RPS6KA5: variants seen among roughly 807,000 people sequenced by gnomAD.
The protein encoded by RPS6KA5 is ribosomal protein S6 kinase A5.
RPS6KA5 carries 27 observed loss-of-function variants against 85.5 expected under a neutral mutation model. The observed-to-expected ratio is 0.32, with a 90% CI of 0.23 to 0.44. RPS6KA5 has a LOEUF of 0.44. Among genes scored for constraint, RPS6KA5 ranks in the 20% least tolerant of loss-of-function variants. The pLI, the probability that RPS6KA5 is intolerant of heterozygous loss-of-function variation, is 1.00. For missense variants in RPS6KA5, 811 were observed against 980.9 expected, an observed-to-expected ratio of 0.83 and a Z score of 2.31; for synonymous variants, 334 against 348.2, an observed-to-expected ratio of 0.96 and a Z score of 0.46.
intron 1 of RPS6KA5, among the ~76,000 whole-genome samples, chr14:91,007,943 C>G (rs2041097155): frequency 6.6e-6 from 1 of 152,032 alleles, no homozygotes; most frequent in Admixed American, 6.5e-5. Flanking sequence ...TATTGTTAAC[C>G]CTTGGCATGG....
intron 1 of RPS6KA5, among the ~76,000 whole-genome samples, chr14:91,008,798 G>A (rs1302406897): frequency 6.6e-6 from 1 of 152,122 alleles, no homozygotes; most frequent in Non-Finnish European, 1.5e-5. Context: ...AGTAATAATG[G>A]CTCTTCACTA....
intron 12 of RPS6KA5, among the ~76,000 whole-genome samples, chr14:90,898,076 C>T (rs1271124824): frequency 6.6e-6 from 1 of 152,136 alleles, no homozygotes; most frequent in Non-Finnish European, 1.5e-5. Context: ...TTTTGGGATG[C>T]TTACTGCCAG....
At chr14:90,901,371 C>T (rs1050919978) in intron 9 of RPS6KA5, among the ~76,000 whole-genome samples, 2 of 152,270 alleles carry the variant, frequency 1.3e-5, no homozygotes, top group Middle Eastern at 3.4e-3. Context: ...AGCCACCAGA[C>T]CCAGCCACAA....
intron 5 of RPS6KA5, among the ~76,000 whole-genome samples, chr14:90,939,620 CAAAG>C (rs984120547): frequency 1.3e-5 from 2 of 152,110 alleles, no homozygotes; most frequent in Admixed American, 1.3e-4. Flanking sequence ...TAGCAGGAGA[CAAAG>C]AGAGAGAGAA....
intron 1 of RPS6KA5, among the ~76,000 whole-genome samples, chr14:91,049,572 G>A (rs28375009): frequency 0.045 from 6,816 of 152,030 alleles, 427 homozygotes; most frequent in African/African-American, 0.15. Context: ...CTGAGAGCTC[G>A]CCACTGTATT....
chr14:90,992,483 A>G (rs1357342015), intron 2 of RPS6KA5, among the ~76,000 whole-genome samples: 4 of 152,260 alleles, frequency 2.6e-5, no homozygotes, highest in African/African-American at 9.6e-5. Context: ...GAGTCAAAGT[A>G]TTCAATGTGT....
rs528090273 is a variant in RPS6KA5, at chr14:91,030,077, A to T, written c.104-28918T>A. On this transcript the variant is annotated intron_variant, in intron 1 of 16. Coordinates refer to ENST00000614987, the MANE Select transcript of RPS6KA5 (RefSeq NM_004755.4). ...GGAAACTGTTCATGTGAGCAAGCTA[A>T]ATCACCCCCAGAGAACCCCAAAAGG... Among the ~76,000 whole-genome samples, 4 of 152,296 alleles carry T rather than the reference A, an allele frequency of 2.6e-5. No individual in the cohort carries two copies. The South Asian group carries it at 8.3e-4, about 32-fold the overall frequency.
Position 90,920,265 on chromosome 14 carries a change from T to C in RPS6KA5, c.747A>G (p.Leu249=), listed in dbSNP as rs1395439884. 1.9e-6 allele frequency: 3 copies of C among 1,612,722 alleles called. No individual in the cohort carries two copies. In the East Asian group the frequency reaches 6.7e-5, roughly 36 times the overall value. The change falls in exon 7 of 17, where the codon CTA becomes CTG. Residue 249 remains leucine (L), a synonymous_variant. Transcript: ENST00000614987. ...WSLGVLMYEL[L]TGASPFTVDG... ...CAACAGTGAAAGGAGATGCTCCAGTTAGTAATTCATACATTAGAACACCCA... is the reference window on the plus strand; with the variant it reads ...CAACAGTGAAAGGAGATGCTCCAGTCAGTAATTCATACATTAGAACACCCA...
At chr14:90,923,086 T>G (rs1035426382) in intron 6 of RPS6KA5, 27 bp downstream of exon 6, 12 of 1,501,458 alleles carry the variant, frequency 8.0e-6, no homozygotes, top group Non-Finnish European at 1.1e-5. Flanking sequence ...TAGAAATACA[T>G]AAAGAAGCAT....
rs185568553 is a variant in RPS6KA5, at chr14:90,922,378, T to C, written c.702+735A>G. On this transcript the variant is annotated intron_variant, in intron 6 of 16. Transcript: ENST00000614987. ...GACAGGAACAATGTGCAGTTTTACA[T>C]GCCGTGACCCTTCTGTATTGCATTG... Among the ~76,000 whole-genome samples, 48 of 152,352 alleles carry C rather than the reference T, an allele frequency of 3.2e-4. 1 individual carries two copies. The East Asian group carries it at 3.7e-3, about 12-fold the overall frequency.
At chr14:90,884,232 G>A (rs1440255514) in intron 14 of RPS6KA5, among the ~76,000 whole-genome samples, 23 of 152,280 alleles carry the variant, frequency 1.5e-4, no homozygotes, top group African/African-American at 1.4e-4. Context: ...TTAGGAATAC[G>A]TGCATGGCTG....
intron 1 of RPS6KA5, among the ~76,000 whole-genome samples, chr14:91,024,958 T>C (rs191240476): frequency 1.3e-5 from 2 of 152,106 alleles, no homozygotes; most frequent in Admixed American, 1.3e-4. Context: ...CTCAGCTCAC[T>C]GCAACCTCTG....
chr14:90,994,303 G>C (rs2040423360), intron 2 of RPS6KA5, among the ~76,000 whole-genome samples: 1 of 151,578 alleles, frequency 6.6e-6, no homozygotes, highest in Non-Finnish European at 1.5e-5. Context: ...TCATCTACCA[G>C]TAAAGCATCC....
chr14:90,898,341 T>C (rs760875229), intron 12 of RPS6KA5, among the ~76,000 whole-genome samples: 1 of 152,124 alleles, frequency 6.6e-6, no homozygotes, highest in Non-Finnish European at 1.5e-5. Flanking sequence ...CAGCAGCTAT[T>C]ATGGTTATGG....
rs775651251 is a variant in RPS6KA5 at position 90,890,574 on chromosome 14, G to A, written c.1749C>T (p.Cys583=). The A allele has an allele frequency of 6.2e-7, 1 of 1,613,426 alleles. No individual in the cohort carries two copies. The highest frequency in any genetic ancestry group is 8.5e-7 in the Non-Finnish European group (1 of 1,179,276). The change falls in exon 14 of 17, where the codon TGC becomes TGT. Residue 583 remains cysteine (C), a synonymous_variant. Coordinates refer to ENST00000614987, the MANE Select transcript of RPS6KA5 (RefSeq NM_004755.4). ...CTGGGGCGGCATAATGAAGGGTGAA[G>A]CATGGAGTCTTCAGGGGCTGATTAT... ...PPDNQPLKTP[C]FTLHYAAPEL... is the part of the protein sequence containing the mutation.
At chr14:91,044,026 A>C (rs983805128) in intron 1 of RPS6KA5, among the ~76,000 whole-genome samples, 2 of 152,028 alleles carry the variant, frequency 1.3e-5, no homozygotes, top group African/African-American at 4.8e-5. Context: ...CAGGAGTTCA[A>C]GATCAGCCTG....
At chr14:90,988,614 A>T (rs1040312031) in intron 2 of RPS6KA5, among the ~76,000 whole-genome samples, 1 of 152,176 alleles carries the variant, frequency 6.6e-6, no homozygotes, top group African/African-American at 2.4e-5. Flanking sequence ...GTCAGGTGAG[A>T]CCAGCCTGGC....
chr14:90,900,337 TAA>T (rs2035096544), intron 10 of RPS6KA5, 96 bp from the exon 11 acceptor site: 1 of 825,420 alleles, frequency 1.2e-6, no homozygotes, highest in South Asian at 3.1e-5. Flanking sequence ...TTAATATTAA[TAA>T]ACAGGAATAG....
chr14:90,897,402 A>G (rs2034899149), intron 12 of RPS6KA5, among the ~76,000 whole-genome samples: 1 of 152,216 alleles, frequency 6.6e-6, no homozygotes, highest in African/African-American at 2.4e-5. Flanking sequence ...TGCAGCAGCA[A>G]TAGCAAACTC....
Sources: allele counts gnomAD v4.1 joint callset (sites outside exome capture counted in the v4.1 genomes callset), GRCh38; gene constraint gnomAD v4.1.1; transcripts MANE v1.5; gene names NCBI Gene and HGNC (gene_info 2026-07-23, HGNC 2026-07-21).